Variants in WDR76 observed in about 807,000 individuals in gnomAD.
WDR76 encodes WD repeat domain 76.
Under a neutral mutation model 70.2 loss-of-function variants are expected in WDR76, and 52 were observed. That is an observed-to-expected ratio of 0.74 (90% CI 0.59 to 0.93). The LOEUF (loss-of-function observed/expected upper bound fraction) is 0.93. Among genes scored for constraint, WDR76 ranks in the 40% least tolerant of loss-of-function variants. The probability of loss-of-function intolerance (pLI) is 0.00; values close to 1 mark genes in which losing one functional copy is unlikely to be tolerated. For missense variants in WDR76, 756 were observed against 760.2 expected (o/e 0.99, Z 0.07); for synonymous variants, 292 against 271.1 (o/e 1.08, Z -0.76).
intron 8 of WDR76, among the ~76,000 whole-genome samples, chr15:43,850,364 C>T (rs879708454): frequency 3.3e-5 from 5 of 151,518 alleles, no homozygotes; most frequent in Non-Finnish European, 5.9e-5. Context: ...GGTGAGATGT[C>T]GGCTCACTGC....
Position 43,866,219 on chromosome 15 carries a change from C to G in WDR76, c.1708C>G (p.His570Asp). 6.2e-7 allele frequency: 1 copy of G among 1,614,196 alleles called. No individual in the cohort carries two copies. Among genetic ancestry groups the G allele is most frequent in the Non-Finnish European group, 8.5e-7 (1 of 1,180,042 alleles). Reference protein sequence around the residue: ...EDCVIVGSMAHPRRVEIFHET... With the variant: ...EDCVIVGSMADPRRVEIFHET... ...CTGTGTCATAGTTGGCAGCATGGCCCATCCACGACGGGTAGAAATCTTCCA... is the reference window on the plus strand; with the variant it reads ...CTGTGTCATAGTTGGCAGCATGGCCGATCCACGACGGGTAGAAATCTTCCA... The change falls in exon 13 of 13, where the codon CAT (histidine) becomes GAT (aspartate). Residue 570 changes from histidine (H) to aspartate (D), a missense_variant. Coordinates refer to ENST00000263795, the MANE Select transcript of WDR76 (RefSeq NM_024908.4).
chr15:43,836,304 T>G, intron 4 of WDR76, 88 bp downstream of exon 4: 1 of 1,213,674 alleles, frequency 8.2e-7, no homozygotes, highest in Non-Finnish European at 1.2e-6. Context: ...GTGGTAAGCT[T>G]AACAGATCAT....
chr15:43,855,142 T>G (rs1269710716), intron 9 of WDR76, among the ~76,000 whole-genome samples: 1 of 152,208 alleles, frequency 6.6e-6, no homozygotes, highest in Admixed American at 6.5e-5. Context: ...GGCTTTTACC[T>G]AGAGTAACAG....
chr15:43,856,187 C>T (rs1306383776), intron 9 of WDR76, among the ~76,000 whole-genome samples: 1 of 152,050 alleles, frequency 6.6e-6, no homozygotes, highest in Non-Finnish European at 1.5e-5. Context: ...CCAGATCTCT[C>T]TTGGTGGATA....
At chr15:43,829,412 C>T (rs987695251) in intron 2 of WDR76, among the ~76,000 whole-genome samples, 3 of 151,574 alleles carry the variant, frequency 2.0e-5, no homozygotes, top group Non-Finnish European at 2.9e-5. Context: ...TTTCTCGTCC[C>T]AGAGTTAAGA....
At chr15:43,857,199 T>C in intron 10 of WDR76, 36 bp downstream of exon 10, 1 of 1,547,458 alleles carries the variant, frequency 6.5e-7, no homozygotes, top group Non-Finnish European at 8.8e-7. Context: ...CTTAGACCTT[T>C]TAATGTCACA....
At chr15:43,854,519 G>A (rs992697966) in intron 9 of WDR76, among the ~76,000 whole-genome samples, 3 of 152,148 alleles carry the variant, frequency 2.0e-5, no homozygotes, top group African/African-American at 4.8e-5. Flanking sequence ...CCAGTAAGCC[G>A]AGATTGCATC....
At chr15:43,845,695 A>G (rs2087779507) in intron 8 of WDR76, among the ~76,000 whole-genome samples, 1 of 150,570 alleles carries the variant, frequency 6.6e-6, no homozygotes, top group African/African-American at 2.4e-5. Flanking sequence ...GTTATCTTTG[A>G]TGAGTCAGAA....
At chr15:43,836,948 G>A (rs764551606) in intron 4 of WDR76, among the ~76,000 whole-genome samples, 4 of 151,208 alleles carry the variant, frequency 2.6e-5, no homozygotes, top group Non-Finnish European at 5.9e-5. Context: ...GCTAAAGCAG[G>A]AGAATCGCTT....
At chr15:43,844,365 G>A (rs1373349585) in intron 8 of WDR76, among the ~76,000 whole-genome samples, 3 of 151,664 alleles carry the variant, frequency 2.0e-5, no homozygotes, top group Admixed American at 2.0e-4. Context: ...CGCCTGTAAT[G>A]CCAGCACTTT....
intron 9 of WDR76, among the ~76,000 whole-genome samples, chr15:43,853,787 T>C (rs1388045117): frequency 6.6e-6 from 1 of 151,458 alleles, no homozygotes; most frequent in Non-Finnish European, 1.5e-5. Context: ...GCACCTGTAG[T>C]CCCAGCTACT....
At chr15:43,844,845 G>A (rs1330971754) in intron 8 of WDR76, among the ~76,000 whole-genome samples, 2 of 135,726 alleles carry the variant, frequency 1.5e-5, no homozygotes, top group Non-Finnish European at 3.1e-5. Flanking sequence ...GGAGAATGGC[G>A]TGAACCTGGG....
rs1187580124 is a variant in WDR76 at position 43,832,595 on chromosome 15, G to A, written c.463-2466G>A. Reference sequence around the variant, plus strand: ...TGAGTAGCTAGGACTACAGGCATGCGCCACCATGCCTGGGTAATTTTTGTA... The same window carrying A: ...TGAGTAGCTAGGACTACAGGCATGCACCACCATGCCTGGGTAATTTTTGTA... On this transcript the variant is annotated intron_variant, in intron 2 of 12. Coordinates refer to ENST00000263795, the MANE Select transcript of WDR76 (RefSeq NM_024908.4). Among the ~76,000 whole-genome samples the A allele has an allele frequency of 3.3e-5, 5 of 151,650 alleles. No individual in the cohort carries two copies. In the East Asian group the frequency reaches 5.8e-4, roughly 18 times the overall value.
At chr15:43,827,353 A>G (rs1037829272) in intron 1 of WDR76, among the ~76,000 whole-genome samples, 2 of 152,190 alleles carry the variant, frequency 1.3e-5, no homozygotes, top group African/African-American at 2.4e-5. Flanking sequence ...TCTTTAAATA[A>G]TTCCAGACAA....
At chr15:43,839,149 G>A (rs377542217) in intron 4 of WDR76, among the ~76,000 whole-genome samples, 2 of 152,132 alleles carry the variant, frequency 1.3e-5, no homozygotes, top group Non-Finnish European at 1.5e-5. Context: ...GCAGTGAAAC[G>A]TTTTAAGTTT....
Position 43,843,977 on chromosome 15 carries a change from A to T in WDR76, c.955A>T (p.Met319Leu), listed in dbSNP as rs527377605. 1 of 1,613,992 alleles carries T rather than the reference A, an allele frequency of 6.2e-7. No homozygotes were observed. The highest frequency in any genetic ancestry group is 1.3e-5 in the African/African-American group (1 of 75,068). ...AGTTACCACAGGCCCAATATTCTCTATGGCTCTCCATCCATCAGAAACTAG... is the reference window on the plus strand; with the variant it reads ...AGTTACCACAGGCCCAATATTCTCTTTGGCTCTCCATCCATCAGAAACTAG... Reference protein sequence around the residue: ...YKVTTGPIFSMALHPSETRTL... With the variant: ...YKVTTGPIFSLALHPSETRTL... The change falls in exon 8 of 13, where the codon ATG (methionine) becomes TTG (leucine). Residue 319 changes from methionine (M) to leucine (L), a missense_variant. Coordinates refer to ENST00000263795, the MANE Select transcript of WDR76 (RefSeq NM_024908.4).
intron 12 of WDR76, among the ~76,000 whole-genome samples, chr15:43,864,979 C>T (rs1477303824): frequency 6.6e-6 from 1 of 152,224 alleles, no homozygotes; most frequent in Non-Finnish European, 1.5e-5. Flanking sequence ...GGCTGGAGTG[C>T]AGTGGCGCGA....
rs368360568 is a variant in WDR76, at chr15:43,847,419, C to G, written c.1032+3365C>G. ...GGGATTATAGGCGCTCGCTGCCACA[C>G]CTGGCTAATTTTTTTTTTTTTGAGA... On this transcript the variant is annotated intron_variant, in intron 8 of 12. Transcript: ENST00000263795. Among the ~76,000 whole-genome samples the G allele has an allele frequency of 3.3e-5, 5 of 151,492 alleles. No individual in the cohort carries two copies. The East Asian group carries it at 9.7e-4, about 29-fold the overall frequency.
chr15:43,844,642 G>A (rs1183726394), intron 8 of WDR76, among the ~76,000 whole-genome samples: 1 of 151,348 alleles, frequency 6.6e-6, no homozygotes, highest in South Asian at 2.1e-4. Context: ...GGGAGCGGTG[G>A]CTCACGCCTG....
Sources: allele counts gnomAD v4.1 joint callset (sites outside exome capture counted in the v4.1 genomes callset), GRCh38; gene constraint gnomAD v4.1.1; transcripts MANE v1.5; gene names NCBI Gene and HGNC (gene_info 2026-07-23, HGNC 2026-07-21).